The following NR3C2 variants were observed in gnomAD, a reference collection of about 807,000 sequenced individuals.
NR3C2 encodes mineralocorticoid receptor.
NR3C2 carries 15 observed loss-of-function variants against 86.4 expected under a neutral mutation model. The observed-to-expected ratio is 0.17, with a 90% CI of 0.12 to 0.27. The LOEUF is 0.27. NR3C2 is among the 10% of genes least tolerant of loss of function. The pLI is 1.00. For synonymous variants in NR3C2, 458 were observed against 450.5 expected, an observed-to-expected ratio of 1.02 and a Z score of -0.21; for missense variants, 960 against 1,195.6, an observed-to-expected ratio of 0.80 and a Z score of 2.91.
At chr4:148,324,382 T>C (rs1184753509) in intron 2 of NR3C2, among the ~76,000 whole-genome samples, 2 of 151,176 alleles carry the variant, frequency 1.3e-5, no homozygotes, top group Non-Finnish European at 3.0e-5. Flanking sequence ...TGTGTGTTCC[T>C]GTGTGTATGT....
At chr4:148,101,940 C>T (rs903169383) in intron 8 of NR3C2, among the ~76,000 whole-genome samples, 2 of 152,108 alleles carry the variant, frequency 1.3e-5, no homozygotes, top group South Asian at 2.1e-4. Context: ...AATATAGATA[C>T]TGGAAACCCC....
intron 8 of NR3C2, among the ~76,000 whole-genome samples, chr4:148,109,372 A>C (rs1731947966): frequency 6.6e-6 from 1 of 152,084 alleles, no homozygotes; most frequent in Non-Finnish European, 1.5e-5. Context: ...ACTTTTAGAC[A>C]CTCAAGTATT....
chr4:148,337,536 G>A (rs1379489811), intron 2 of NR3C2, among the ~76,000 whole-genome samples: 6 of 152,128 alleles, frequency 3.9e-5, no homozygotes, highest in East Asian at 1.9e-4. Flanking sequence ...TTTTATTAAT[G>A]CATTGAGTTT....
At chr4:148,181,977 T>C (rs965575312) in intron 4 of NR3C2, among the ~76,000 whole-genome samples, 51 of 152,356 alleles carry the variant, frequency 3.3e-4, no homozygotes, top group Non-Finnish European at 7.3e-5. Context: ...TTTGGGGACA[T>C]GATTAGGACT....
At chr4:148,404,147 C>A (rs1472237132) in intron 2 of NR3C2, among the ~76,000 whole-genome samples, 2 of 152,066 alleles carry the variant, frequency 1.3e-5, no homozygotes, top group Non-Finnish European at 2.9e-5. Context: ...AGTAAAAATT[C>A]ATGTCCAAGT....
At position 148,179,761 on chromosome 4, in the gene NR3C2, A is replaced by G. The variant is rs150895966; in HGVS notation, c.2014+14985T>C. Among the ~76,000 whole-genome samples the G allele has an allele frequency of 4.6e-5, 7 of 151,982 alleles. No individual in the cohort carries two copies. In the East Asian group the frequency reaches 7.7e-4, roughly 17 times the overall value. On this transcript the variant is annotated intron_variant, in intron 4 of 8. Coordinates refer to ENST00000358102, the MANE Select transcript of NR3C2 (RefSeq NM_000901.5). ...GATACAGCAAATTCTTTTAAATTCT[A>G]TCTGCTTTAGAGCCAATCCTGAATT... is the stretch of plus-strand genomic sequence containing the variant.
rs1173332788 is a variant in NR3C2, at chr4:148,259,965, C to T, written c.1897+13G>A. ...AAAAAATATGTAAAAGGAACACCCA[C>T]ATGAACATTTACCTTCCACTGCTCT... On this transcript the variant is annotated intron_variant, in intron 3 of 8. Transcript: ENST00000358102. 1 of 1,614,082 alleles carries T rather than the reference C, an allele frequency of 6.2e-7. No individual in the cohort carries two copies. Among genetic ancestry groups the T allele is most frequent in the Middle Eastern group, 1.6e-4 (1 of 6,062 alleles).
rs145687793 is a variant in NR3C2, at chr4:148,354,407, G to A, written c.1757+80697C>T. Reference sequence around the variant, plus strand: ...TTTGGAGGCGTCAACAGTTATATACGTATTTTCTATGGTGCCGGGTTGTCA... The same window carrying A: ...TTTGGAGGCGTCAACAGTTATATACATATTTTCTATGGTGCCGGGTTGTCA... On this transcript the variant is annotated intron_variant, in intron 2 of 8. Coordinates refer to ENST00000358102, the MANE Select transcript of NR3C2 (RefSeq NM_000901.5). Among the ~76,000 whole-genome samples, 211 of 152,140 alleles carry A rather than the reference G, an allele frequency of 1.4e-3. 3 individuals are homozygous for A. Among genetic ancestry groups the A allele is most frequent in the South Asian group, 0.01 (49 of 4,814 alleles).
intron 3 of NR3C2, among the ~76,000 whole-genome samples, chr4:148,231,683 A>G (rs1560990762): frequency 1.3e-5 from 2 of 152,158 alleles, no homozygotes; most frequent in African/African-American, 2.4e-5. Flanking sequence ...TAAGACAACA[A>G]TGAAGTTTGC....
chr4:148,130,886 C>G (rs912063667), intron 6 of NR3C2, among the ~76,000 whole-genome samples: 1 of 143,164 alleles, frequency 7.0e-6, no homozygotes, highest in South Asian at 2.3e-4. Context: ...TGCAGTGGCA[C>G]GATCTCGGCT....
At chr4:148,213,104 C>T (rs1218525867) in intron 3 of NR3C2, among the ~76,000 whole-genome samples, 3 of 148,416 alleles carry the variant, frequency 2.0e-5, no homozygotes, top group Non-Finnish European at 4.4e-5. Flanking sequence ...GCAATTTCTC[C>T]AAAGTTGAGA....
At position 148,120,221 on chromosome 4, in the gene NR3C2, C is replaced by T. The variant is rs147398624; in HGVS notation, c.2578G>A (p.Val860Ile). ...TCTTCAAAGGTGAGCTGCAGTCGAA[C>T]GAACTGAAGGCTGATTTGGTGCATC... is the stretch of plus-strand genomic sequence containing the variant. ...QGMHQISLQF[V>I]RLQLTFEEYT... is the part of the protein sequence containing the mutation. The change falls in exon 7 of 9, where the codon GTT becomes ATT. Residue 860 changes from valine to isoleucine, a missense_variant. Val to Ile is a conservative substitution (Grantham distance 29). Coordinates refer to ENST00000358102, the MANE Select transcript of NR3C2 (RefSeq NM_000901.5). 1,303 of 1,614,078 alleles carry T rather than the reference C, an allele frequency of 8.1e-4. 1 individual carries two copies. Among genetic ancestry groups the T allele is most frequent in the East Asian group, 1.0e-3 (46 of 44,878 alleles).
At chr4:148,305,740 C>T (rs1250544638) in intron 2 of NR3C2, among the ~76,000 whole-genome samples, 1 of 152,134 alleles carries the variant, frequency 6.6e-6, no homozygotes, top group Non-Finnish European at 1.5e-5. Context: ...GACTTGCAGG[C>T]GTTAACTTGG....
In NR3C2 at chr4:148,245,283, T is replaced by C. The variant is rs1404407335; in HGVS notation, c.1897+14695A>G. On this transcript the variant is annotated intron_variant, in intron 3 of 8. Coordinates refer to ENST00000358102, the MANE Select transcript of NR3C2 (RefSeq NM_000901.5). ...CTGAAGCATCTTGATAAGCTAAGTA[T>C]TACCAGATCTTAATTTTATAGTTAA... is the stretch of plus-strand genomic sequence containing the variant. 3.9e-5 allele frequency among the ~76,000 whole-genome samples: 6 copies of C among 152,272 alleles called. No individual in the cohort carries two copies. In the East Asian group the frequency reaches 1.2e-3, roughly 29 times the overall value.
intron 6 of NR3C2, among the ~76,000 whole-genome samples, chr4:148,136,180 C>T (rs1183810486): frequency 6.6e-6 from 1 of 151,508 alleles, no homozygotes. Context: ...CTTAGCATGC[C>T]TAATTTCAAA....
At chr4:148,085,571 CAATT>C (rs1304915711) in intron 8 of NR3C2, among the ~76,000 whole-genome samples, 1 of 152,044 alleles carries the variant, frequency 6.6e-6, no homozygotes. Flanking sequence ...CCTAACATCA[CAATT>C]AAAAGAACTA....
intron 5 of NR3C2, 80 bp downstream of exon 5, chr4:148,154,471 G>T: frequency 2.3e-6 from 3 of 1,278,418 alleles, no homozygotes; most frequent in Non-Finnish European, 3.4e-6. Context: ...AACTCCTCCT[G>T]CATGGTTGGA....
intron 2 of NR3C2, among the ~76,000 whole-genome samples, chr4:148,347,675 C>T (rs1512336): frequency 0.98 from 149,706 of 152,264 alleles, 73,640 homozygotes; most frequent in South Asian, 1. Context: ...CAAATGTTTA[C>T]TGAGTACCTA....
intron 6 of NR3C2, among the ~76,000 whole-genome samples, chr4:148,150,800 TTGATA>T (rs1270413641): frequency 2.0e-5 from 3 of 152,214 alleles, no homozygotes; most frequent in African/African-American, 4.8e-5. Context: ...GAGGACTGAC[TTGATA>T]TATCTATGAT....
Sources: gnomAD v4.1 joint callset for allele counts (sites outside exome capture counted in the v4.1 genomes callset) on GRCh38, gnomAD v4.1.1 for gene constraint, MANE v1.5 for transcripts, NCBI Gene and HGNC (gene_info 2026-07-23, HGNC 2026-07-21) for gene names.